GALNT17: variants seen among roughly 807,000 people sequenced by gnomAD.
GALNT17 encodes the protein polypeptide N-acetylgalactosaminyltransferase 17.
Under a neutral mutation model 63.7 loss-of-function variants are expected in GALNT17, and 29 were observed. The observed-to-expected ratio is 0.46, with a 90% CI of 0.34 to 0.62. GALNT17 has a LOEUF of 0.62. GALNT17 is among the 20% of genes least tolerant of loss of function. The pLI is 0.01. For synonymous variants in GALNT17, 305 were observed against 318.3 expected (o/e 0.96, Z 0.45); for missense variants, 603 against 799.6 (o/e 0.75, Z 2.97).
intron 6 of GALNT17, among the ~76,000 whole-genome samples, chr7:71,652,682 A>G (rs1790770812): frequency 1.3e-5 from 2 of 152,208 alleles, no homozygotes; most frequent in African/African-American, 4.8e-5. Context: ...TATGCGTTAA[A>G]TTTCCTCCAG....
intron 1 of GALNT17, among the ~76,000 whole-genome samples, chr7:71,138,291 T>C (rs1215182247): frequency 6.6e-6 from 1 of 151,524 alleles, no homozygotes; most frequent in African/African-American, 2.4e-5. Flanking sequence ...TGAGCTATGG[T>C]TGTGCCACTG....
chr7:71,259,265 G>T (rs1790339652), intron 1 of GALNT17, among the ~76,000 whole-genome samples: 1 of 152,234 alleles, frequency 6.6e-6, no homozygotes, highest in African/African-American at 2.4e-5. Context: ...AAAAGAAGGA[G>T]CAACAGAAGC....
intron 1 of GALNT17, among the ~76,000 whole-genome samples, chr7:71,193,066 CATTTATTT>C (rs138751530): frequency 0.034 from 4,809 of 140,612 alleles, 105 homozygotes; most frequent in African/African-American, 0.063. Context: ...CATCATCTAC[CATTTATTT>C]ATTTATTTAT....
At chr7:71,310,428 C>T (rs541935348) in intron 1 of GALNT17, among the ~76,000 whole-genome samples, 9 of 152,260 alleles carry the variant, frequency 5.9e-5, no homozygotes, top group East Asian at 5.8e-4. Flanking sequence ...TAGAAGAACA[C>T]GTAGCACTGT....
At chr7:71,540,600 G>C (rs1327965161) in intron 5 of GALNT17, among the ~76,000 whole-genome samples, 1 of 151,888 alleles carries the variant, frequency 6.6e-6, no homozygotes, top group Non-Finnish European at 1.5e-5. Context: ...TGGACACTAG[G>C]GTTTTGTGTT....
intron 5 of GALNT17, among the ~76,000 whole-genome samples, chr7:71,433,201 G>A (rs989589793): frequency 6.6e-6 from 1 of 152,184 alleles, no homozygotes; most frequent in African/African-American, 2.4e-5. Context: ...GATAAAAACA[G>A]GAGGTATGCT....
intron 1 of GALNT17, among the ~76,000 whole-genome samples, chr7:71,323,298 G>A (rs1791649129): frequency 6.6e-6 from 1 of 152,112 alleles, no homozygotes; most frequent in Admixed American, 6.5e-5. Flanking sequence ...TTTGTCCCTG[G>A]GAGAATACAG....
At chr7:71,328,632 C>A (rs1791745810) in intron 1 of GALNT17, among the ~76,000 whole-genome samples, 1 of 148,204 alleles carries the variant, frequency 6.7e-6, no homozygotes, top group African/African-American at 2.5e-5. Flanking sequence ...AAAATAAGCA[C>A]GTTAAAATAC....
At chr7:71,446,138 A>C (rs4236247) in intron 5 of GALNT17, among the ~76,000 whole-genome samples, 80,591 of 152,066 alleles carry the variant, frequency 0.53, 23,336 homozygotes, top group Non-Finnish European at 0.66. Flanking sequence ...GGGAAGAAAT[A>C]AGAATGATTT....
At chr7:71,410,021 G>A (rs2116416122) in intron 3 of GALNT17, among the ~76,000 whole-genome samples, 1 of 152,252 alleles carries the variant, frequency 6.6e-6, no homozygotes, top group South Asian at 2.1e-4. Context: ...TGGTATGCAG[G>A]ACATGAAAGA....
At chr7:71,346,061 C>T (rs1211126514) in intron 2 of GALNT17, among the ~76,000 whole-genome samples, 1 of 146,586 alleles carries the variant, frequency 6.8e-6, no homozygotes, top group Non-Finnish European at 1.5e-5. Flanking sequence ...GATATGGTGG[C>T]TTGTGCCTGT....
intron 1 of GALNT17, among the ~76,000 whole-genome samples, chr7:71,304,314 G>A (rs1167863122): frequency 6.6e-6 from 1 of 152,190 alleles, no homozygotes; most frequent in African/African-American, 2.4e-5. Flanking sequence ...AACTGAAACG[G>A]CGTTCAGAGG....
At chr7:71,403,751 C>T (rs1452283515) in intron 3 of GALNT17, among the ~76,000 whole-genome samples, 1 of 152,132 alleles carries the variant, frequency 6.6e-6, no homozygotes, top group Non-Finnish European at 1.5e-5. Flanking sequence ...CTGCCAAACG[C>T]GTTTAAAGAA....
chr7:71,291,718 TC>T (rs1474568186), intron 1 of GALNT17, among the ~76,000 whole-genome samples: 2 of 152,340 alleles, frequency 1.3e-5, no homozygotes, highest in Admixed American at 6.5e-5. Context: ...ATACTAATTT[TC>T]TGAGTTATTT....
intron 9 of GALNT17, among the ~76,000 whole-genome samples, chr7:71,702,509 C>A (rs879697001): frequency 6.6e-6 from 1 of 152,128 alleles, no homozygotes; most frequent in Non-Finnish European, 1.5e-5. Flanking sequence ...TTGCAAGACC[C>A]ATCGCAAGGA....
At chr7:71,297,748 G>T (rs1356579183) in intron 1 of GALNT17, among the ~76,000 whole-genome samples, 1 of 152,182 alleles carries the variant, frequency 6.6e-6, no homozygotes. Context: ...GTACCATTCA[G>T]CAGTAAAAAG....
intron 5 of GALNT17, among the ~76,000 whole-genome samples, chr7:71,433,838 G>C (rs1786911143): frequency 6.6e-6 from 1 of 152,112 alleles, no homozygotes; most frequent in Non-Finnish European, 1.5e-5. Context: ...GTATTTATGA[G>C]GGTATTGTCA....
rs970531100 is a variant in GALNT17, at chr7:71,696,446, T to A, written c.1501-14315T>A. On this transcript the variant is annotated intron_variant, in intron 9 of 10. Coordinates refer to ENST00000333538, the MANE Select transcript of GALNT17 (RefSeq NM_022479.3). ...TACATTTTGCATTTAGCCATTGTTT[T>A]CTACACTGACTGCTGGATTTTAAAA... Among the ~76,000 whole-genome samples the A allele has an allele frequency of 1.3e-4, 20 of 152,176 alleles. 1 individual carries two copies. Among genetic ancestry groups the A allele is most frequent in the Admixed American group, 1.3e-4 (2 of 15,276 alleles).
At chr7:71,587,351 G>T (rs1051930358) in intron 6 of GALNT17, among the ~76,000 whole-genome samples, 4 of 152,090 alleles carry the variant, frequency 2.6e-5, no homozygotes, top group African/African-American at 4.8e-5. Flanking sequence ...TTGAAGGGGG[G>T]TACTTCAGTA....
Sources: allele counts gnomAD v4.1 joint callset (sites outside exome capture counted in the v4.1 genomes callset), GRCh38; gene constraint gnomAD v4.1.1; transcripts MANE v1.5; gene names NCBI Gene and HGNC (gene_info 2026-07-23, HGNC 2026-07-21).